ATCAY: variants seen among roughly 807,000 people sequenced by gnomAD.
ATCAY encodes the protein ATCAY kinesin light chain interacting caytaxin, also known as caytaxin.
A neutral mutation model predicts 47.7 loss-of-function variants in ATCAY; 22 were observed. The observed-to-expected ratio is 0.46, with a 90% CI of 0.33 to 0.66. The LOEUF is 0.66. Among genes scored for constraint, ATCAY ranks in the 30% least tolerant of loss-of-function variants. The pLI, the probability that ATCAY is intolerant of heterozygous loss-of-function variation, is 0.02. For missense variants in ATCAY, 452 were observed against 515.0 expected (o/e 0.88, Z 1.18); for synonymous variants, 216 against 207.6 (o/e 1.04, Z -0.35).
At chr19:3,912,734 T>A (rs1475293810) in intron 8 of ATCAY, among the ~76,000 whole-genome samples, 2 of 151,582 alleles carry the variant, frequency 1.3e-5, no homozygotes, top group Non-Finnish European at 2.9e-5. Flanking sequence ...AAATTTTTTT[T>A]AATTAGCCAG....
chr19:3,906,751 G>A (rs1568448795), intron 4 of ATCAY, among the ~76,000 whole-genome samples: 1 of 152,112 alleles, frequency 6.6e-6, no homozygotes, highest in Non-Finnish European at 1.5e-5. Flanking sequence ...TTACTCCAGG[G>A]CAAGTCCTGA....
At chr19:3,901,058 C>T (rs8113163) in intron 2 of ATCAY, among the ~76,000 whole-genome samples, 20,829 of 151,822 alleles carry the variant, frequency 0.14, 3,313 homozygotes, top group African/African-American at 0.39. Flanking sequence ...CCTGCCACCA[C>T]GCCCCGCTAT....
At chr19:3,891,294 C>T (rs541180529) in intron 2 of ATCAY, among the ~76,000 whole-genome samples, 6 of 152,188 alleles carry the variant, frequency 3.9e-5, no homozygotes, top group South Asian at 2.1e-4. Context: ...TCAAGTGATT[C>T]GCCTGCCTCG....
chr19:3,924,132 G>GTGGGTGGA (rs2039045111), intron 12 of ATCAY, among the ~76,000 whole-genome samples: 2 of 151,082 alleles, frequency 1.3e-5, no homozygotes, highest in African/African-American at 4.9e-5. Context: ...GGATGTGTGG[G>GTGGGTGGA]TGGGTGGATG....
chr19:3,891,677 G>A (rs1875577156), intron 2 of ATCAY, among the ~76,000 whole-genome samples: 2 of 151,542 alleles, frequency 1.3e-5, no homozygotes, highest in African/African-American at 4.8e-5. Context: ...TGGGCTCAGT[G>A]GAAGCAGGTT....
intron 9 of ATCAY, among the ~76,000 whole-genome samples, chr19:3,917,334 C>T (rs554000669): frequency 2.0e-5 from 3 of 151,540 alleles, no homozygotes; most frequent in Admixed American, 1.3e-4. Flanking sequence ...CCTGTAATCC[C>T]AGCACTTTGG....
chr19:3,923,180 A>AG (rs2039034616), intron 12 of ATCAY, among the ~76,000 whole-genome samples: 2 of 61,972 alleles, frequency 3.2e-5, no homozygotes, highest in African/African-American at 2.8e-4. Flanking sequence ...GGCACTGAGT[A>AG]AAAGTTCTCA....
At chr19:3,911,030 A>T in intron 8 of ATCAY, 141 bp downstream of exon 8, 1 of 915,434 alleles carries the variant, frequency 1.1e-6, no homozygotes, top group Non-Finnish European at 1.7e-6. Context: ...TGTGTGTTTG[A>T]TGTGCATGTT....
chr19:3,908,614 C>T (rs78691977), intron 6 of ATCAY, among the ~76,000 whole-genome samples: 486 of 146,472 alleles, frequency 3.3e-3, no homozygotes, highest in African/African-American at 0.012. Context: ...TCCTTCCCCT[C>T]CTCCTCACTG....
In ATCAY at chr19:3,907,061, G is replaced by A. The variant is rs534009256; in HGVS notation, c.359-673G>A. Among the ~76,000 whole-genome samples, 1 of 150,880 alleles carries A rather than the reference G, an allele frequency of 6.6e-6. No individual in the cohort carries two copies. On this transcript the variant is annotated intron_variant, in intron 4 of 12. Coordinates refer to ENST00000450849, the MANE Select transcript of ATCAY (RefSeq NM_033064.5). The surrounding 1 kb of genome is among the most constrained non-coding windows in gnomAD (Gnocchi z 5.1). ...AGGCAGGAGAATCGCTTGAACTCTG[G>A]AGGCAGAGGCTGCAGTGAGCAGAGA...
intron 1 of ATCAY, among the ~76,000 whole-genome samples, chr19:3,884,791 G>A (rs992379707): frequency 1.3e-5 from 2 of 152,052 alleles, no homozygotes; most frequent in African/African-American, 2.4e-5. Flanking sequence ...CATGGGGCTC[G>A]GTGATGGTTC....
intron 2 of ATCAY, chr19:3,895,266 G>C: frequency 2.2e-6 from 1 of 455,394 alleles, no homozygotes. Flanking sequence ...CCAGGCTGGA[G>C]TGCAATGGCA....
chr19:3,908,446 G>A, intron 6 of ATCAY, 76 bp downstream of exon 6: 2 of 1,338,496 alleles, frequency 1.5e-6, no homozygotes, highest in South Asian at 1.3e-5. Flanking sequence ...CAGGCTGCAA[G>A]GATTGCATTG....
At chr19:3,899,308 C>CTTTTTT (rs146410703) in intron 2 of ATCAY, among the ~76,000 whole-genome samples, 10 of 106,928 alleles carry the variant, frequency 9.4e-5, no homozygotes, top group South Asian at 3.2e-4. Flanking sequence ...GGGAATAAAT[C>CTTTTTT]TTTTTTTTTT....
chr19:3,919,155 G>A (rs1275014236), intron 11 of ATCAY, among the ~76,000 whole-genome samples: 4 of 151,832 alleles, frequency 2.6e-5, no homozygotes, highest in Non-Finnish European at 4.4e-5. Context: ...GCTCACATCT[G>A]TAATCCCAGC....
At chr19:3,910,407 G>C (rs2038913019) in intron 7 of ATCAY, among the ~76,000 whole-genome samples, 1 of 152,182 alleles carries the variant, frequency 6.6e-6, no homozygotes, top group South Asian at 2.1e-4. Flanking sequence ...AATAGCCTCA[G>C]AGTGACATTA....
intron 2 of ATCAY, among the ~76,000 whole-genome samples, chr19:3,892,925 C>T (rs145176845): frequency 6.6e-6 from 1 of 152,062 alleles, no homozygotes; most frequent in Non-Finnish European, 1.5e-5. Flanking sequence ...AAAAATTTAC[C>T]CTCAATTGTA....
At chr19:3,909,393 G>A (rs933584082) in intron 6 of ATCAY, 93 bp from the exon 7 acceptor site, 40 of 1,468,950 alleles carry the variant, frequency 2.7e-5, no homozygotes, top group East Asian at 4.6e-5. Flanking sequence ...CCCAGCCAGC[G>A]GCAGGAGTGG....
intron 2 of ATCAY, among the ~76,000 whole-genome samples, chr19:3,897,263 C>CTATATATATATA (rs10677459): frequency 2.1e-4 from 30 of 143,990 alleles, no homozygotes; most frequent in African/African-American, 7.5e-4. Flanking sequence ...TTGAAGTTTG[C>CTATATATATATA]TATATATATA....
Sources: allele counts gnomAD v4.1 joint callset (sites outside exome capture counted in the v4.1 genomes callset), GRCh38; gene constraint gnomAD v4.1.1; non-coding constraint Gnocchi (gnomAD v3.1); transcripts MANE v1.5; gene names NCBI Gene and HGNC (gene_info 2026-07-23, HGNC 2026-07-21).